DNAH14: variants seen among roughly 807,000 people sequenced by gnomAD.
DNAH14 encodes the protein axonemal beta dynein heavy chain 14.
A neutral mutation model predicts 520.9 loss-of-function variants in DNAH14; 478 were observed. That is an observed-to-expected ratio of 0.92 (90% CI 0.85 to 0.99). The LOEUF (loss-of-function observed/expected upper bound fraction) is 0.99. Ranked by LOEUF, DNAH14 falls within the 50% of genes least tolerant of loss-of-function variation. The probability of loss-of-function intolerance (pLI) is 0.00; values close to 1 mark genes in which losing one functional copy is unlikely to be tolerated. For missense variants in DNAH14, 4,831 were observed against 5,234.5 expected, an observed-to-expected ratio of 0.92 and a Z score of 2.38; for synonymous variants, 1,581 against 1,757.2, an observed-to-expected ratio of 0.90 and a Z score of 2.51.
intron 38 of DNAH14, among the ~76,000 whole-genome samples, chr1:225,198,728 G>C (rs139764970): frequency 6.6e-6 from 1 of 152,042 alleles, no homozygotes; most frequent in Admixed American, 6.6e-5. Flanking sequence ...ATATGTTGTT[G>C]GATTCAGTTA....
intron 62 of DNAH14, 40 bp from the exon 63 acceptor site, chr1:225,324,182 A>T (rs948624152): frequency 6.5e-7 from 1 of 1,546,752 alleles, no homozygotes; most frequent in African/African-American, 1.4e-5. Flanking sequence ...GGTGAATAAT[A>T]TTTCTTTCTC....
chr1:225,307,607 G>T (rs2094273761), intron 59 of DNAH14, 38 bp downstream of exon 59: 1 of 1,458,232 alleles, frequency 6.9e-7, no homozygotes, highest in Admixed American at 2.5e-5. Context: ...AGATTTTATA[G>T]TCTAATATAG....
chr1:225,030,372 G>A (rs1158757514), intron 11 of DNAH14, among the ~76,000 whole-genome samples: 1 of 151,734 alleles, frequency 6.6e-6, no homozygotes, highest in East Asian at 1.9e-4. Context: ...ATAAACAAGA[G>A]TTTTTAATTT....
At chr1:225,235,048 C>A (rs779712593) in intron 42 of DNAH14, among the ~76,000 whole-genome samples, 3 of 152,104 alleles carry the variant, frequency 2.0e-5, no homozygotes, top group Non-Finnish European at 4.4e-5. Flanking sequence ...CTTTCTCTTG[C>A]CTAATTGCCC....
At chr1:225,209,446 C>A (rs2088040260) in intron 41 of DNAH14, among the ~76,000 whole-genome samples, 2 of 151,994 alleles carry the variant, frequency 1.3e-5, no homozygotes, top group Admixed American at 1.3e-4. Context: ...TTTACAGGTT[C>A]TCATGTTATA....
In DNAH14 at chr1:224,942,856, A is replaced by G. The variant is rs1008483464; in HGVS notation, c.-33-9814A>G. Among the ~76,000 whole-genome samples, 6 of 152,162 alleles carry G rather than the reference A, an allele frequency of 3.9e-5. No individual in the cohort carries two copies. In the East Asian group the frequency reaches 1.2e-3, roughly 29 times the overall value. On this transcript the variant is annotated intron_variant, in intron 1 of 85. Transcript: ENST00000682510. ...GCCTTGCATCCCAGGGATGAAGCCC[A>G]CTTGATCATGGTGGATAAGCTTTTT...
intron 8 of DNAH14, among the ~76,000 whole-genome samples, chr1:224,986,093 A>C (rs2062615840): frequency 6.6e-6 from 1 of 152,046 alleles, no homozygotes; most frequent in Non-Finnish European, 1.5e-5. Flanking sequence ...AGCACACCTG[A>C]AAATACCAGT....
At chr1:224,958,112 T>C (rs901454896) in intron 3 of DNAH14, among the ~76,000 whole-genome samples, 1 of 152,032 alleles carries the variant, frequency 6.6e-6, no homozygotes, top group Non-Finnish European at 1.5e-5. Context: ...TGTTTGAAAA[T>C]GGCAAGTTGA....
At chr1:225,038,851 A>G (rs2067198593) in intron 12 of DNAH14, 28 bp downstream of exon 12, 2 of 1,440,268 alleles carry the variant, frequency 1.4e-6, no homozygotes, top group Non-Finnish European at 1.8e-6. Context: ...AAATATAAAC[A>G]TAGATTTTTT....
At chr1:225,256,658 C>T (rs2149737383) in intron 44 of DNAH14, among the ~76,000 whole-genome samples, 1 of 152,118 alleles carries the variant, frequency 6.6e-6, no homozygotes, top group Non-Finnish European at 1.5e-5. Flanking sequence ...AAGATAATTC[C>T]AATAAACATA....
chr1:225,300,683 C>T (rs1228155485), intron 55 of DNAH14, among the ~76,000 whole-genome samples, 186 bp from the exon 56 acceptor site: 3 of 149,608 alleles, frequency 2.0e-5, no homozygotes, highest in African/African-American at 7.4e-5. Context: ...CCAGACTGGG[C>T]AACAGGGTGA....
At chr1:225,211,117 C>T (rs1225708965) in intron 41 of DNAH14, among the ~76,000 whole-genome samples, 17 of 152,172 alleles carry the variant, frequency 1.1e-4, no homozygotes, top group Non-Finnish European at 1.5e-5. Flanking sequence ...ATTACAATTC[C>T]TCGCCAGGAA....
chr1:225,142,634 AAAAATGAAATAAG>A (rs1438647979), intron 28 of DNAH14, among the ~76,000 whole-genome samples: 5 of 152,216 alleles, frequency 3.3e-5, no homozygotes, highest in Non-Finnish European at 7.3e-5. Flanking sequence ...CTGGCTATTT[AAAAATGAAATAAG>A]GCCAGGCATG....
At chr1:225,032,712 T>A (rs1215422113) in intron 11 of DNAH14, among the ~76,000 whole-genome samples, 1 of 152,092 alleles carries the variant, frequency 6.6e-6, no homozygotes, top group Non-Finnish European at 1.5e-5. Flanking sequence ...TGTATAAGGG[T>A]TCCCTTTTCT....
chr1:225,353,117 A>G (rs910939251), intron 72 of DNAH14, among the ~76,000 whole-genome samples: 3 of 152,190 alleles, frequency 2.0e-5, no homozygotes, highest in African/African-American at 4.8e-5. Flanking sequence ...TCTGCATTCA[A>G]AAAAGCCGTT....
chr1:225,023,359 T>C (rs2065860512), intron 10 of DNAH14, among the ~76,000 whole-genome samples: 1 of 149,394 alleles, frequency 6.7e-6, no homozygotes, highest in African/African-American at 2.5e-5. Flanking sequence ...GTTAGTCTCC[T>C]CTGTCTTTTT....
chr1:225,144,417 A>G lies in DNAH14; in HGVS notation c.4529A>G (p.Asn1510Ser). The stretch of plus-strand genomic sequence containing the variant: ...TTCAGACATTTGCAATATAAATGGA[A>G]TGAAAAACAAAAGTTGTGCTATGTG... Reference protein sequence around the residue: ...EWTRHLQYKWNEKQKLCYVSQ... With the variant: ...EWTRHLQYKWSEKQKLCYVSQ... Residue 1510 changes from asparagine to serine, a missense_variant, in exon 29 of 86, where the codon AAT becomes AGT. Coordinates refer to ENST00000682510, the MANE Select transcript of DNAH14 (RefSeq NM_001367479.1). The G allele has an allele frequency of 6.4e-7, 1 of 1,551,194 alleles. No homozygotes were observed. The highest frequency in any genetic ancestry group is 8.7e-7 in the Non-Finnish European group (1 of 1,146,642).
At chr1:225,061,039 C>G (rs2069996945) in intron 17 of DNAH14, among the ~76,000 whole-genome samples, 1 of 152,100 alleles carries the variant, frequency 6.6e-6, no homozygotes, top group Admixed American at 6.5e-5. Context: ...CTCTTCAAAG[C>G]TGTCAGACAG....
chr1:225,132,585 A>G (rs1021674409), intron 27 of DNAH14, among the ~76,000 whole-genome samples: 3 of 152,182 alleles, frequency 2.0e-5, no homozygotes, highest in East Asian at 3.8e-4. Flanking sequence ...TCCATGATGT[A>G]TATGTACCAC....
Sources: gnomAD v4.1 joint callset for allele counts (sites outside exome capture counted in the v4.1 genomes callset) on GRCh38, gnomAD v4.1.1 for gene constraint, MANE v1.5 for transcripts, NCBI Gene and HGNC (gene_info 2026-07-23, HGNC 2026-07-21) for gene names.